Variants in AP3S2 observed in about 807,000 individuals in gnomAD.
AP3S2 encodes adaptor related protein complex 3 subunit sigma 2.
Under a neutral mutation model 23.4 loss-of-function variants are expected in AP3S2, and 22 were observed. That is an observed-to-expected ratio of 0.94 (90% CI 0.67 to 1.34). The LOEUF (loss-of-function observed/expected upper bound fraction) is 1.34. Ranked by LOEUF, AP3S2 falls within the 40% of genes most tolerant of loss-of-function variation. The pLI is 0.00. For synonymous variants in AP3S2, 86 were observed against 87.1 expected (o/e 0.99, Z 0.07); for missense variants, 241 against 236.9 (o/e 1.02, Z -0.11).
intron 4 of AP3S2, among the ~76,000 whole-genome samples, chr15:89,867,626 C>G (rs1164732130): frequency 1.5e-5 from 2 of 133,026 alleles, no homozygotes; most frequent in African/African-American, 5.7e-5. Flanking sequence ...TGCCCGGCCG[C>G]CCATCGTCTG....
intron 4 of AP3S2, among the ~76,000 whole-genome samples, chr15:89,853,097 G>C (rs975118805): frequency 6.6e-6 from 1 of 152,192 alleles, no homozygotes; most frequent in African/African-American, 2.4e-5. Context: ...ATAAGGTTTT[G>C]AGGAAGGTGG....
In AP3S2 at chr15:89,831,687, A is replaced by G. The variant is rs561117584; in HGVS notation, c.*3828T>C. Reference sequence around the variant, plus strand: ...GAGAGCGTTTTACTAAGTGGGCTCCATGGTAGTGGAAGTGGTGGGGACAGA... The same window carrying G: ...GAGAGCGTTTTACTAAGTGGGCTCCGTGGTAGTGGAAGTGGTGGGGACAGA... On this transcript the variant is annotated 3_prime_UTR_variant, in exon 6 of 6. Transcript: ENST00000336418. The G allele has an allele frequency of 1.3e-5, 2 of 152,288 alleles. No homozygotes were observed. Among genetic ancestry groups the G allele is most frequent in the African/African-American group, 2.4e-5 (1 of 41,464 alleles). The allele number at this position is 152,288 out of a possible 1,614,324, so 9.4% of individuals were successfully genotyped here. A position where few individuals can be genotyped will look rare whatever the true frequency, so the allele number is the denominator to read the frequency against.
intron 4 of AP3S2, among the ~76,000 whole-genome samples, chr15:89,855,379 A>G (rs1354203083): frequency 2.4e-5 from 2 of 84,192 alleles, no homozygotes; most frequent in African/African-American, 8.9e-5. Flanking sequence ...AATCAGGGAC[A>G]CAAACACTGC....
intron 4 of AP3S2, among the ~76,000 whole-genome samples, chr15:89,864,797 C>T (rs906291011): frequency 3.9e-5 from 6 of 152,148 alleles, no homozygotes; most frequent in Non-Finnish European, 8.8e-5. Flanking sequence ...TCGCCTCAGC[C>T]TCCCAAAGTG....
intron 3 of AP3S2, among the ~76,000 whole-genome samples, chr15:89,887,037 C>A (rs935504589): frequency 3.3e-5 from 5 of 152,146 alleles, no homozygotes; most frequent in African/African-American, 9.7e-5. Context: ...CTCAAGTGAT[C>A]CACCCACCTT....
intron 5 of AP3S2, among the ~76,000 whole-genome samples, chr15:89,836,236 A>G (rs1314055742): frequency 4.6e-5 from 7 of 152,182 alleles, no homozygotes; most frequent in South Asian, 2.1e-4. Context: ...TGGCCTATAC[A>G]GTTTCACAGC....
At chr15:89,859,587 G>C (rs1895961580) in intron 4 of AP3S2, among the ~76,000 whole-genome samples, 1 of 151,390 alleles carries the variant, frequency 6.6e-6, no homozygotes, top group South Asian at 2.1e-4. Context: ...TAGAGACGGA[G>C]TTTCACCACG....
intron 4 of AP3S2, among the ~76,000 whole-genome samples, chr15:89,846,907 G>T (rs1173860033): frequency 6.6e-6 from 1 of 152,124 alleles, no homozygotes; most frequent in African/African-American, 2.4e-5. Context: ...CTGATCTCAG[G>T]TGATCCGCCC....
chr15:89,864,839 G>C (rs1896081767), intron 4 of AP3S2, among the ~76,000 whole-genome samples: 2 of 152,064 alleles, frequency 1.3e-5, no homozygotes, highest in South Asian at 4.1e-4. Context: ...ACTGTGCCCG[G>C]TCCTTACAAA....
chr15:89,869,537 C>T (rs1441632506), intron 4 of AP3S2, among the ~76,000 whole-genome samples: 1 of 139,696 alleles, frequency 7.2e-6, no homozygotes, highest in Non-Finnish European at 1.5e-5. Flanking sequence ...GCCAAATCCC[C>T]CTCTGTGAGA....
intron 4 of AP3S2, among the ~76,000 whole-genome samples, chr15:89,869,092 G>A (rs2034842891): frequency 6.6e-6 from 1 of 151,984 alleles, no homozygotes; most frequent in African/African-American, 2.4e-5. Context: ...CATTGAGAAC[G>A]GGTCAGGATG....
intron 3 of AP3S2, chr15:89,877,227 G>A (rs1380475786): frequency 2.3e-6 from 2 of 884,446 alleles, no homozygotes; most frequent in East Asian, 5.1e-5. Flanking sequence ...CAAGATCACA[G>A]ACCCACACAT....
chr15:89,871,852 C>T (rs141525326), intron 3 of AP3S2, among the ~76,000 whole-genome samples: 7 of 151,982 alleles, frequency 4.6e-5, no homozygotes, highest in African/African-American at 1.7e-4. Context: ...CTCATACTTA[C>T]AATCTCAGCA....
intron 4 of AP3S2, among the ~76,000 whole-genome samples, chr15:89,855,531 T>A (rs1419031242): frequency 1.8e-5 from 2 of 111,114 alleles, no homozygotes; most frequent in African/African-American, 6.9e-5. Context: ...AATAAAAGAA[T>A]AAATTAAAAA....
At chr15:89,889,171 G>A (rs1402879527) in intron 1 of AP3S2, 31 bp from the exon 2 acceptor site, 11 of 1,613,158 alleles carry the variant, frequency 6.8e-6, no homozygotes, top group Non-Finnish European at 9.3e-6. Flanking sequence ...TGAATCAGTG[G>A]GCAAGCCTGA....
chr15:89,889,390 C>A, intron 1 of AP3S2: 1 of 434,092 alleles, frequency 2.3e-6, no homozygotes, highest in Non-Finnish European at 4.2e-6. Flanking sequence ...CATTACTGTC[C>A]TATAGGTAAG....
chr15:89,850,442 G>C (rs965807453), intron 4 of AP3S2, among the ~76,000 whole-genome samples: 1 of 152,164 alleles, frequency 6.6e-6, no homozygotes, highest in Non-Finnish European at 1.5e-5. Context: ...TTAAGCATTA[G>C]AATCACTCTA....
chr15:89,847,799 G>A (rs911589173), intron 4 of AP3S2, among the ~76,000 whole-genome samples: 3 of 152,124 alleles, frequency 2.0e-5, no homozygotes, highest in Admixed American at 6.5e-5. Context: ...AATTTACAAT[G>A]CATTTTTCTA....
rs145050455 is a variant in AP3S2 at position 89,878,974 on chromosome 15, G to A, written c.274-7428C>T. 6.2e-3 allele frequency among the ~76,000 whole-genome samples: 947 copies of A among 152,336 alleles called. 5 individuals are homozygous for A. Among genetic ancestry groups the A allele is most frequent in the South Asian group, 0.023 (113 of 4,828 alleles). ...TGTTAGCCAGGCTGCTCCAACTCCT[G>A]ACCTCAAGTGATCTGCCTGCCTCAG... is the stretch of plus-strand genomic sequence containing the variant. On this transcript the variant is annotated intron_variant, in intron 3 of 5. Transcript: ENST00000336418.
Sources: gnomAD v4.1 joint callset for allele counts (sites outside exome capture counted in the v4.1 genomes callset) on GRCh38, gnomAD v4.1.1 for gene constraint, MANE v1.5 for transcripts, NCBI Gene and HGNC (gene_info 2026-07-23, HGNC 2026-07-21) for gene names.